Variants in MKKS observed in about 807,000 individuals in gnomAD.
MKKS encodes the protein molecular chaperone MKKS.
In MKKS, 29 loss-of-function variants were observed where a neutral mutation model predicts 33.2. The ratio of observed to expected loss-of-function variants is 0.87; its 90% CI spans 0.65 to 1.19. The LOEUF (loss-of-function observed/expected upper bound fraction) is 1.19. Ranked by LOEUF, MKKS falls within the 50% of genes most tolerant of loss-of-function variation. MKKS has a pLI of 0.00. For missense variants in MKKS, 661 were observed against 662.3 expected (o/e 1.00, Z 0.02); for synonymous variants, 260 against 244.0 (o/e 1.07, Z -0.61).
intron 3 of MKKS, among the ~76,000 whole-genome samples, chr20:10,412,092 T>G (rs544811361): frequency 6.6e-6 from 1 of 152,282 alleles, no homozygotes; most frequent in South Asian, 2.1e-4. Context: ...TAGAAACAAC[T>G]ACTTAAGGAG....
intron 1 of MKKS, among the ~76,000 whole-genome samples, chr20:10,423,965 A>G (rs2064997930): frequency 6.6e-6 from 1 of 151,336 alleles, no homozygotes. Context: ...AATTCTCCAT[A>G]TCTCATATAT....
chr20:10,426,346 G>A (rs977761902), intron 1 of MKKS, among the ~76,000 whole-genome samples: 5 of 152,222 alleles, frequency 3.3e-5, no homozygotes, highest in African/African-American at 9.6e-5. Flanking sequence ...TTTGGAGGGC[G>A]TGAGGCACAC....
chr20:10,418,349 T>C (rs965390179), intron 2 of MKKS, among the ~76,000 whole-genome samples: 23 of 152,196 alleles, frequency 1.5e-4, no homozygotes, highest in Non-Finnish European at 2.5e-4. Context: ...AGCCAGTTGA[T>C]GGATACTTGA....
chr20:10,420,914 A>G (rs1220906269), intron 1 of MKKS, among the ~76,000 whole-genome samples, 156 bp from the exon 2 acceptor site: 1 of 152,220 alleles, frequency 6.6e-6, no homozygotes, highest in Non-Finnish European at 1.5e-5. Context: ...TAATAAACAA[A>G]AAGAGACATG....
rs117664185 is a variant in MKKS, at chr20:10,402,320, T to C, written c.*2927A>G. ...TTATTTCTGCCAAAAGGAACTCCTC[T>C]AAAATTATTTTCATCAAGAATTTTC... On this transcript the variant is annotated 3_prime_UTR_variant, in exon 6 of 6. Transcript: ENST00000347364. The C allele has an allele frequency of 6.5e-4, 99 of 152,338 alleles. No individual in the cohort carries two copies. The East Asian group carries it at 0.015, about 24-fold the overall frequency. 9.4% of individuals were successfully genotyped at this position (152,338 alleles called of 1,614,324 possible).
chr20:10,415,878 T>C (rs2064935050), intron 2 of MKKS, among the ~76,000 whole-genome samples: 1 of 152,082 alleles, frequency 6.6e-6, no homozygotes, highest in South Asian at 2.1e-4. Flanking sequence ...GACAAAGAAA[T>C]CACTGAAAGT....
intron 1 of MKKS, among the ~76,000 whole-genome samples, chr20:10,431,120 C>T (rs1360166626): frequency 1.3e-5 from 2 of 152,058 alleles, no homozygotes; most frequent in East Asian, 3.8e-4. Flanking sequence ...ACACGGCAGC[C>T]ATTACTTTTA....
At chr20:10,423,168 G>A (rs1212119656) in intron 1 of MKKS, among the ~76,000 whole-genome samples, 5 of 152,106 alleles carry the variant, frequency 3.3e-5, no homozygotes, top group Admixed American at 3.3e-4. Flanking sequence ...CAGGTGCAGT[G>A]GCTCACAAAA....
Position 10,412,519 on chromosome 20 carries a change from G to T in MKKS, c.985+11C>A. On this transcript the variant is annotated intron_variant, in intron 3 of 5. Coordinates refer to ENST00000347364, the MANE Select transcript of MKKS (RefSeq NM_170784.3). The stretch of plus-strand genomic sequence containing the variant: ...TAACTGTAAGAGGCAAAAGCAAAGA[G>T]TGATTTTTACCTGTCATTTTAGTCA... The T allele has an allele frequency of 6.2e-7, 1 of 1,612,610 alleles. No homozygotes were observed. The highest frequency in any genetic ancestry group is 8.5e-7 in the Non-Finnish European group (1 of 1,179,706).
chr20:10,405,784 G>T, intron 5 of MKKS, 97 bp from the exon 6 acceptor site: 1 of 1,168,114 alleles, frequency 8.6e-7, no homozygotes, highest in Non-Finnish European at 1.2e-6. Flanking sequence ...TATTCCTAAA[G>T]TAATTACTTA....
intron 1 of MKKS, among the ~76,000 whole-genome samples, chr20:10,423,796 G>A (rs2064997063): frequency 6.6e-6 from 1 of 152,178 alleles, no homozygotes; most frequent in Non-Finnish European, 1.5e-5. Flanking sequence ...TTTAGGTTTA[G>A]TTAAACCTGG....
intron 5 of MKKS, among the ~76,000 whole-genome samples, chr20:10,406,472 G>A (rs182323762): frequency 7.9e-4 from 120 of 152,296 alleles, no homozygotes; most frequent in African/African-American, 2.7e-3. Context: ...ACAGTAATAT[G>A]CTGTAAGGGT....
At chr20:10,428,021 C>T (rs1051682010) in intron 1 of MKKS, among the ~76,000 whole-genome samples, 1 of 152,222 alleles carries the variant, frequency 6.6e-6, no homozygotes, top group Non-Finnish European at 1.5e-5. Context: ...CTGCTCATTG[C>T]TGTGAATTTA....
At chr20:10,409,965 G>T (rs1222757587) in intron 3 of MKKS, among the ~76,000 whole-genome samples, 1 of 104,772 alleles carries the variant, frequency 9.5e-6, no homozygotes, top group Non-Finnish European at 1.8e-5. Flanking sequence ...GCAACAGAGC[G>T]AGACTTTGTC....
chr20:10,419,394 A>G (rs1465483802), intron 2 of MKKS, among the ~76,000 whole-genome samples: 5 of 152,140 alleles, frequency 3.3e-5, no homozygotes, highest in Non-Finnish European at 7.4e-5. Flanking sequence ...GTATAACGCT[A>G]TATTATAGTA....
At position 10,407,594 on chromosome 20, in the gene MKKS, C is replaced by T. The variant is rs143940250; in HGVS notation, c.1272+22G>A. ...AAAGTTGCTGAGAATTCAGGTAATC[C>T]GAAGAGGATTATCTTACATACCTTG... On this transcript the variant is annotated intron_variant, in intron 5 of 5. Transcript: ENST00000347364. 3.5e-5 allele frequency: 56 copies of T among 1,595,670 alleles called. No individual in the cohort carries two copies. In the African/African-American group the frequency reaches 5.0e-4, roughly 14 times the overall value.
At position 10,413,037 on chromosome 20, in the gene MKKS, T is replaced by C. The variant is rs754293111; in HGVS notation, c.478A>G (p.Ser160Gly). Residue 160 changes from serine (S) to glycine (G), a missense_variant, in exon 3 of 6, where the codon AGT becomes GGT. Ser to Gly is a moderately conservative substitution (Grantham distance 56). Transcript: ENST00000347364. The part of the protein sequence containing the change: ...LLCLVRSILT[S>G]KPACMLTRKE... ...CTGGTGAGCATACAGGCAGGTTTAC[T>C]TGTTAATATACTACGCACCAAACAA... 17 of 1,614,090 alleles carry C rather than the reference T, an allele frequency of 1.1e-5. No homozygotes were observed. The highest frequency in any genetic ancestry group is 1.4e-5 in the Non-Finnish European group (17 of 1,180,042).
In MKKS at chr20:10,404,047, A is replaced by G. The variant is rs2064824825; in HGVS notation, c.*1200T>C. 6.6e-6 allele frequency: 1 copy of G among 152,206 alleles called. No individual in the cohort carries two copies. Among genetic ancestry groups the G allele is most frequent in the South Asian group, 2.1e-4 (1 of 4,830 alleles). 9.4% of individuals were successfully genotyped at this position (152,206 alleles called of 1,614,324 possible). A position where few individuals can be genotyped will look rare whatever the true frequency, so the allele number is the denominator to read the frequency against. On this transcript the variant is annotated 3_prime_UTR_variant, in exon 6 of 6. Transcript: ENST00000347364. ...GGTTTGTTTCCCAAAAATTTCCAAA[A>G]TATTTTCCTAAAGTTTAATACAACA...
rs766687959 is a variant in MKKS, at chr20:10,413,087, T to C, written c.428A>G (p.Asp143Gly). The change falls in exon 3 of 6, where the codon GAC becomes GGC. Residue 143 changes from aspartate (D) to glycine (G), a missense_variant. Asp to Gly is a moderately conservative substitution (Grantham distance 94, BLOSUM62 -1). Transcript: ENST00000347364. The stretch of plus-strand genomic sequence containing the variant: ...AAGGAGGATCTGAGTACTACTAAAG[T>C]CCACTGGGATTCGACAACCACAGGT... ...SETCGCRIPV[D>G]FSSTQILLCL... is the part of the protein sequence containing the mutation. The C allele has an allele frequency of 1.2e-6, 2 of 1,613,950 alleles. No homozygotes were observed. The highest frequency in any genetic ancestry group is 2.7e-5 in the African/African-American group (2 of 75,028).
Sources: allele counts gnomAD v4.1 joint callset (sites outside exome capture counted in the v4.1 genomes callset), GRCh38; gene constraint gnomAD v4.1.1; transcripts MANE v1.5; gene names NCBI Gene and HGNC (gene_info 2026-07-23, HGNC 2026-07-21).